The following DCC variants were observed in gnomAD, a reference collection of about 807,000 sequenced individuals.
The protein encoded by DCC is netrin receptor DCC.
DCC carries 58 observed loss-of-function variants against 172.5 expected under a neutral mutation model. That is an observed-to-expected ratio of 0.34 (90% CI 0.27 to 0.42). The LOEUF (loss-of-function observed/expected upper bound fraction) is 0.42, where lower values mean the gene tolerates loss of function less well. DCC is among the 10% of genes least tolerant of loss of function. The pLI is 1.00. For synonymous variants in DCC, 709 were observed against 644.5 expected (o/e 1.10, Z -1.52); for missense variants, 1,740 against 1,791.0 (o/e 0.97, Z 0.51).
chr18:53,057,859 C>A (rs1375767865), intron 5 of DCC, among the ~76,000 whole-genome samples: 1 of 152,014 alleles, frequency 6.6e-6, no homozygotes, highest in East Asian at 1.9e-4. Flanking sequence ...ATGCTTCAGG[C>A]TCCATCTTTA....
At chr18:53,297,750 T>C (rs2057085035) in intron 12 of DCC, among the ~76,000 whole-genome samples, 1 of 152,158 alleles carries the variant, frequency 6.6e-6, no homozygotes, top group South Asian at 2.1e-4. Flanking sequence ...AAGAAAAGAA[T>C]GCCTGAATGC....
chr18:53,206,764 A>C (rs2055655658), intron 10 of DCC, among the ~76,000 whole-genome samples: 1 of 150,650 alleles, frequency 6.6e-6, no homozygotes, highest in Non-Finnish European at 1.5e-5. Context: ...TTCAATAGTT[A>C]AATCAAAAAT....
intron 1 of DCC, among the ~76,000 whole-genome samples, chr18:52,631,794 G>C (rs901695198): frequency 1.2e-4 from 18 of 152,280 alleles, no homozygotes; most frequent in African/African-American, 3.9e-4. Flanking sequence ...TGACTATATT[G>C]ATTGGCCAAA....
intron 2 of DCC, among the ~76,000 whole-genome samples, chr18:52,815,036 C>T (rs981552775): frequency 2.6e-5 from 4 of 151,962 alleles, no homozygotes; most frequent in Non-Finnish European, 4.4e-5. Flanking sequence ...AAGTGGGCAA[C>T]AAGAAAAAAT....
chr18:52,433,378 T>C (rs1194530975), intron 1 of DCC, among the ~76,000 whole-genome samples: 1 of 152,196 alleles, frequency 6.6e-6, no homozygotes, highest in Non-Finnish European at 1.5e-5. Flanking sequence ...GAATGGTTAT[T>C]ATTAGTGCTA....
chr18:52,681,927 A>T (rs1178909997), intron 1 of DCC, among the ~76,000 whole-genome samples: 2 of 152,136 alleles, frequency 1.3e-5, no homozygotes, highest in African/African-American at 4.8e-5. Flanking sequence ...ATAATAACTT[A>T]AATATTACAA....
intron 1 of DCC, among the ~76,000 whole-genome samples, chr18:52,707,474 T>A (rs1381641902): frequency 6.6e-6 from 1 of 152,192 alleles, no homozygotes; most frequent in Non-Finnish European, 1.5e-5. Flanking sequence ...AAAACAGAAC[T>A]ATCATATGAT....
At chr18:53,327,523 C>T (rs758624206) in intron 14 of DCC, among the ~76,000 whole-genome samples, 2 of 152,152 alleles carry the variant, frequency 1.3e-5, no homozygotes, top group African/African-American at 2.4e-5. Context: ...TTAAAATCGA[C>T]TCTCTACCCT....
rs181710843 is a variant in DCC at position 52,728,012 on chromosome 18, T to C, written c.92-24042T>C. ...CATTTCATTATAGTGATACAATTTA[T>C]TCACCTAACGATAAACAAATTTTTT... On this transcript the variant is annotated intron_variant, in intron 1 of 28. Transcript: ENST00000442544. Among the ~76,000 whole-genome samples the C allele has an allele frequency of 4.6e-5, 7 of 152,340 alleles. No homozygotes were observed. The East Asian group carries it at 1.2e-3, about 25-fold the overall frequency.
At chr18:53,019,609 T>C (rs373447877) in intron 5 of DCC, among the ~76,000 whole-genome samples, 109 of 152,260 alleles carry the variant, frequency 7.2e-4, no homozygotes, top group Non-Finnish European at 1.1e-3. Context: ...AATCTATAAA[T>C]GAAAATTCCA....
intron 5 of DCC, among the ~76,000 whole-genome samples, chr18:52,980,303 C>G (rs2041189622): frequency 6.6e-6 from 1 of 151,978 alleles, no homozygotes; most frequent in African/African-American, 2.4e-5. Context: ...AGATTGAATT[C>G]AGGTAGTTGT....
intron 21 of DCC, among the ~76,000 whole-genome samples, chr18:53,426,406 AT>A (rs907838895): frequency 3.1e-5 from 4 of 128,082 alleles, no homozygotes; most frequent in South Asian, 5.1e-4. Flanking sequence ...TATGATATAT[AT>A]TTTTATGATA....
At position 53,181,217 on chromosome 18, in the gene DCC, C is replaced by T. The variant is rs1305331745; in HGVS notation, c.1573+2101C>T. Among the ~76,000 whole-genome samples the T allele has an allele frequency of 7.9e-5, 12 of 152,152 alleles. No homozygotes were observed. In the East Asian group the frequency reaches 2.1e-3, roughly 27 times the overall value. On this transcript the variant is annotated intron_variant, in intron 9 of 28. Transcript: ENST00000442544. ...TATCTGAATTTTTCATCTCCTAGTT[C>T]TAAAATTATCGTAAAATTGTTATAC...
intron 1 of DCC, among the ~76,000 whole-genome samples, chr18:52,630,590 C>T (rs944785895): frequency 6.6e-6 from 1 of 151,848 alleles, no homozygotes; most frequent in Non-Finnish European, 1.5e-5. Context: ...TGCAAAGCTG[C>T]TTAGCCCAAA....
intron 7 of DCC, among the ~76,000 whole-genome samples, chr18:53,151,573 C>T (rs1483939115): frequency 1.3e-5 from 2 of 152,056 alleles, no homozygotes; most frequent in African/African-American, 4.8e-5. Context: ...TACCATTTCA[C>T]AATGTATATA....
chr18:52,501,394 C>T (rs2031011486), intron 1 of DCC, among the ~76,000 whole-genome samples: 1 of 152,192 alleles, frequency 6.6e-6, no homozygotes, highest in African/African-American at 2.4e-5. Context: ...TCTCTGTGCA[C>T]ACCTTATATG....
chr18:53,463,639 C>T (rs566783641), intron 24 of DCC, among the ~76,000 whole-genome samples: 1 of 152,208 alleles, frequency 6.6e-6, no homozygotes, highest in South Asian at 2.1e-4. Flanking sequence ...TGCTATCATT[C>T]TTTTCATATA....
rs550399745 is a variant in DCC at position 52,954,405 on chromosome 18, T to A, written c.985+29035T>A. Among the ~76,000 whole-genome samples the A allele has an allele frequency of 2.0e-5, 3 of 152,340 alleles. No homozygotes were observed. In the South Asian group the frequency reaches 6.2e-4, roughly 32 times the overall value. On this transcript the variant is annotated intron_variant, in intron 5 of 28. Transcript: ENST00000442544. ...TTGTCATTTTACTATATTCTACATATGTACTCTAATTTAGTCTGACTTATT... is the reference window on the plus strand; with the variant it reads ...TTGTCATTTTACTATATTCTACATAAGTACTCTAATTTAGTCTGACTTATT...
At chr18:53,226,948 A>ATATATATATATATATATATTTTTTTT in intron 12 of DCC, among the ~76,000 whole-genome samples, 2 of 52,950 alleles carry the variant, frequency 3.8e-5, no homozygotes, top group Non-Finnish European at 8.0e-5. Context: ...ATATATATAT[A>ATATATATATATATATATATTTTTTTT]TTTTTTTTTT....
Sources: gnomAD v4.1 joint callset for allele counts (sites outside exome capture counted in the v4.1 genomes callset) on GRCh38, gnomAD v4.1.1 for gene constraint, MANE v1.5 for transcripts, NCBI Gene and HGNC (gene_info 2026-07-23, HGNC 2026-07-21) for gene names.